The following CDH12 variants were observed in gnomAD, a reference collection of about 807,000 sequenced individuals.
CDH12 encodes cadherin-12.
Under a neutral mutation model 74.1 loss-of-function variants are expected in CDH12, and 41 were observed. The observed-to-expected ratio is 0.55, with a 90% CI of 0.43 to 0.72. The LOEUF is 0.72. Among genes scored for constraint, CDH12 ranks in the 30% least tolerant of loss-of-function variants. CDH12 has a pLI of 0.00. For missense variants in CDH12, 945 were observed against 977.2 expected (o/e 0.97, Z 0.44); for synonymous variants, 399 against 355.0 (o/e 1.12, Z -1.39).
At chr5:21,945,638 T>C (rs545946135) in intron 6 of CDH12, among the ~76,000 whole-genome samples, 1 of 151,492 alleles carries the variant, frequency 6.6e-6, no homozygotes, top group East Asian at 1.9e-4. Context: ...ATAATGGAAA[T>C]AATAGATTCA....
At chr5:22,215,092 C>A (rs906053894) in intron 3 of CDH12, among the ~76,000 whole-genome samples, 1 of 152,144 alleles carries the variant, frequency 6.6e-6, no homozygotes, top group African/African-American at 2.4e-5. Flanking sequence ...TATAGCTATC[C>A]ATGAACCCCT....
chr5:22,711,165 A>G (rs1272347986), intron 1 of CDH12, among the ~76,000 whole-genome samples: 2 of 152,160 alleles, frequency 1.3e-5, no homozygotes, highest in Admixed American at 1.3e-4. Flanking sequence ...ATAATAAAGG[A>G]GATAAGAGAA....
chr5:22,065,803 C>A (rs1741516519), intron 5 of CDH12, among the ~76,000 whole-genome samples: 1 of 152,044 alleles, frequency 6.6e-6, no homozygotes, highest in Non-Finnish European at 1.5e-5. Flanking sequence ...TTGTAGCGAT[C>A]AATGGCCAAA....
chr5:22,383,549 C>A (rs1323797320), intron 3 of CDH12, among the ~76,000 whole-genome samples: 1 of 152,118 alleles, frequency 6.6e-6, no homozygotes, highest in African/African-American at 2.4e-5. Flanking sequence ...AAGTATAGAA[C>A]ACACTTGGAG....
At chr5:22,418,719 A>G (rs902202040) in intron 2 of CDH12, among the ~76,000 whole-genome samples, 1 of 152,004 alleles carries the variant, frequency 6.6e-6, no homozygotes, top group African/African-American at 2.4e-5. Context: ...ACTCGTCTCT[A>G]TTGAAACTAC....
intron 4 of CDH12, among the ~76,000 whole-genome samples, chr5:22,187,544 C>G (rs1433707673): frequency 1.3e-5 from 2 of 149,746 alleles, no homozygotes; most frequent in Non-Finnish European, 3.0e-5. Context: ...CCTTCACTTT[C>G]AAGTTCATTG....
chr5:22,230,996 T>C (rs894394760), intron 3 of CDH12, among the ~76,000 whole-genome samples: 18 of 152,188 alleles, frequency 1.2e-4, no homozygotes, highest in Admixed American at 9.8e-4. Context: ...GCCATATTCT[T>C]GTGACTTAAA....
At chr5:22,401,173 C>G (rs541073093) in intron 3 of CDH12, among the ~76,000 whole-genome samples, 33 of 151,982 alleles carry the variant, frequency 2.2e-4, no homozygotes, top group Non-Finnish European at 3.2e-4. Context: ...CTTTCGGACA[C>G]CATTGGAAGT....
At chr5:22,250,716 C>T (rs1308575655) in intron 3 of CDH12, among the ~76,000 whole-genome samples, 4 of 152,160 alleles carry the variant, frequency 2.6e-5, no homozygotes, top group African/African-American at 7.2e-5. Flanking sequence ...AAATGTATCA[C>T]GTGGTTTCCC....
chr5:22,812,192 A>G (rs1163800489), intron 1 of CDH12, among the ~76,000 whole-genome samples: 7 of 152,180 alleles, frequency 4.6e-5, no homozygotes, highest in Non-Finnish European at 7.4e-5. Context: ...TTTCAAGCAT[A>G]GGGATTATAC....
chr5:22,750,442 GA>G (rs1222466947), intron 1 of CDH12, among the ~76,000 whole-genome samples: 2 of 152,114 alleles, frequency 1.3e-5, no homozygotes, highest in African/African-American at 2.4e-5. Flanking sequence ...AATGCAATTA[GA>G]AAGCCATGGC....
intron 1 of CDH12, among the ~76,000 whole-genome samples, chr5:22,529,182 T>G (rs1375853037): frequency 4.0e-4 from 39 of 96,782 alleles, no homozygotes; most frequent in East Asian, 1.4e-3. Flanking sequence ...TATATATATA[T>G]ATATATAGAG....
At chr5:21,890,258 G>A (rs6452023) in intron 6 of CDH12, among the ~76,000 whole-genome samples, 1 of 152,060 alleles carries the variant, frequency 6.6e-6, no homozygotes, top group African/African-American at 2.4e-5. Context: ...AGCACAGAAT[G>A]TACTACAAAT....
At chr5:22,064,160 G>A in intron 5 of CDH12, among the ~76,000 whole-genome samples, 1 of 152,120 alleles carries the variant, frequency 6.6e-6, no homozygotes, top group Non-Finnish European at 1.5e-5. Flanking sequence ...ATGTGGATCA[G>A]AAATATACTG....
intron 4 of CDH12, among the ~76,000 whole-genome samples, chr5:22,192,142 C>A (rs534245579): frequency 2.0e-5 from 3 of 151,922 alleles, no homozygotes; most frequent in South Asian, 4.2e-4. Flanking sequence ...CCATGTTGGC[C>A]AGGATGGTCT....
chr5:22,145,145 C>T (rs1285975413), intron 4 of CDH12, among the ~76,000 whole-genome samples: 10 of 152,162 alleles, frequency 6.6e-5, no homozygotes, highest in Non-Finnish European at 1.0e-4. Flanking sequence ...TTCAACTCCA[C>T]GTCAAGACAG....
chr5:21,764,861 T>G, intron 12 of CDH12, 117 bp downstream of exon 12: 1 of 942,290 alleles, frequency 1.1e-6, no homozygotes, highest in Non-Finnish European at 1.7e-6. Flanking sequence ...GTTTCTTTTA[T>G]GAAAGCTCTG....
At chr5:22,389,690 C>T (rs1276270128) in intron 3 of CDH12, among the ~76,000 whole-genome samples, 1 of 149,560 alleles carries the variant, frequency 6.7e-6, no homozygotes, top group Non-Finnish European at 1.5e-5. Context: ...ACTCTGTCGC[C>T]AGGCTGGAGT....
At chr5:22,020,325 G>A (rs929451735) in intron 5 of CDH12, among the ~76,000 whole-genome samples, 1 of 151,926 alleles carries the variant, frequency 6.6e-6, no homozygotes, top group Non-Finnish European at 1.5e-5. Flanking sequence ...AGGCTGAGGC[G>A]GGCAGATCGC....
Sources: allele counts gnomAD v4.1 joint callset (sites outside exome capture counted in the v4.1 genomes callset), GRCh38; gene constraint gnomAD v4.1.1; transcripts MANE v1.5; gene names NCBI Gene and HGNC (gene_info 2026-07-23, HGNC 2026-07-21).